NPFFR2: variants seen among roughly 807,000 people sequenced by gnomAD.
NPFFR2 encodes G-protein coupled receptor 74.
In NPFFR2, 15 loss-of-function variants were observed where a neutral mutation model predicts 13.1. The ratio of observed to expected loss-of-function variants is 1.15; its 90% CI spans 0.77 to 1.76. The LOEUF (loss-of-function observed/expected upper bound fraction) is 1.76, where lower values mean the gene tolerates loss of function less well. NPFFR2 is among the 40% of genes most tolerant of loss of function. NPFFR2 has a pLI of 0.00. For synonymous variants in NPFFR2, 190 were observed against 175.7 expected (o/e 1.08, Z -0.65); for missense variants, 572 against 503.5 (o/e 1.14, Z -1.30).
At chr4:72,112,442 T>C (rs1330161582) in intron 1 of NPFFR2, among the ~76,000 whole-genome samples, 1 of 152,014 alleles carries the variant, frequency 6.6e-6, no homozygotes, top group Non-Finnish European at 1.5e-5. Flanking sequence ...GCATAGATCT[T>C]TTTATCATCA....
chr4:72,074,575 T>A (rs6823991), intron 1 of NPFFR2, among the ~76,000 whole-genome samples: 1 of 152,042 alleles, frequency 6.6e-6, no homozygotes, highest in Non-Finnish European at 1.5e-5. Context: ...TCCATGATTT[T>A]AGGCATCCAC....
chr4:72,087,600 A>C (rs1255655540), intron 1 of NPFFR2, among the ~76,000 whole-genome samples: 1 of 151,926 alleles, frequency 6.6e-6, no homozygotes, highest in African/African-American at 2.4e-5. Flanking sequence ...CCTGTATAGG[A>C]TGGGGAAGGA....
At chr4:72,052,961 C>G (rs2109766996) in intron 1 of NPFFR2, among the ~76,000 whole-genome samples, 1 of 151,952 alleles carries the variant, frequency 6.6e-6, no homozygotes, top group East Asian at 1.9e-4. Flanking sequence ...TAGAACACCC[C>G]TACCCCTTGC....
intron 1 of NPFFR2, among the ~76,000 whole-genome samples, chr4:72,056,892 A>T (rs1052822199): frequency 1.3e-5 from 2 of 151,950 alleles, no homozygotes; most frequent in South Asian, 2.1e-4. Flanking sequence ...AAACTTAAAC[A>T]GATGAGGAGT....
chr4:72,079,053 A>ACACAC (rs1720524161), intron 1 of NPFFR2, among the ~76,000 whole-genome samples: 1 of 139,104 alleles, frequency 7.2e-6, no homozygotes, highest in Non-Finnish European at 1.6e-5. Context: ...CATAGAACTA[A>ACACAC]ACACACACAC....
chr4:72,072,733 G>A (rs995815798), intron 1 of NPFFR2, among the ~76,000 whole-genome samples: 1 of 152,058 alleles, frequency 6.6e-6, no homozygotes. Context: ...TAGATTCTGA[G>A]TAGAATAAAC....
intron 1 of NPFFR2, among the ~76,000 whole-genome samples, chr4:72,069,324 C>T (rs1720175555): frequency 6.6e-6 from 1 of 151,998 alleles, no homozygotes. Context: ...TATGTAAACA[C>T]AACATAGCAT....
intron 1 of NPFFR2, among the ~76,000 whole-genome samples, chr4:72,072,081 A>C (rs1720274045): frequency 6.6e-6 from 1 of 152,154 alleles, no homozygotes; most frequent in Non-Finnish European, 1.5e-5. Flanking sequence ...ACAACAAAAA[A>C]AGCAGCAAAT....
chr4:72,078,340 T>C (rs1720504321), intron 1 of NPFFR2, among the ~76,000 whole-genome samples: 2 of 151,808 alleles, frequency 1.3e-5, no homozygotes, highest in South Asian at 2.1e-4. Context: ...AGAGAAAGGG[T>C]TGAAGAAAGA....
At chr4:72,126,653 G>T (rs1722050820) in intron 1 of NPFFR2, among the ~76,000 whole-genome samples, 1 of 152,102 alleles carries the variant, frequency 6.6e-6, no homozygotes, top group African/African-American at 2.4e-5. Flanking sequence ...TTTCTATCTG[G>T]GAGTCTGGAA....
At chr4:72,096,233 T>A (rs1032296633) in intron 1 of NPFFR2, among the ~76,000 whole-genome samples, 3 of 152,134 alleles carry the variant, frequency 2.0e-5, no homozygotes, top group Non-Finnish European at 4.4e-5. Context: ...TTGGTAATTT[T>A]AAAAAAGATG....
At position 72,103,484 on chromosome 4, in the gene NPFFR2, A is replaced by C. The variant is rs146683908; in HGVS notation, c.-7-25101A>C. On this transcript the variant is annotated intron_variant, in intron 1 of 3. Transcript: ENST00000308744. ...CAGCCTCCAGAACTCTGAGGGAATA[A>C]ATTTCTTTTTTTTTATATTTTACTC... Among the ~76,000 whole-genome samples the C allele has an allele frequency of 5.0e-3, 752 of 151,824 alleles. 2 individuals are homozygous for C. The highest frequency in any genetic ancestry group is 0.017 in the African/African-American group (693 of 41,266).
At chr4:72,121,549 T>A (rs1721882473) in intron 1 of NPFFR2, among the ~76,000 whole-genome samples, 1 of 152,042 alleles carries the variant, frequency 6.6e-6, no homozygotes, top group South Asian at 2.1e-4. Flanking sequence ...TAACAGCCAA[T>A]CTCTCTGCAG....
At chr4:72,060,659 A>G (rs1346385492) in intron 1 of NPFFR2, among the ~76,000 whole-genome samples, 5 of 152,272 alleles carry the variant, frequency 3.3e-5, no homozygotes, top group Admixed American at 1.3e-4. Context: ...GGAAAACAAC[A>G]TATGTAAGTA....
intron 1 of NPFFR2, among the ~76,000 whole-genome samples, chr4:72,122,230 C>A (rs1242154356): frequency 1.3e-5 from 2 of 152,162 alleles, no homozygotes; most frequent in Admixed American, 1.3e-4. Flanking sequence ...TGCACCCATA[C>A]AGGAGCACCC....
rs574669600 is a variant in NPFFR2 at position 72,075,625 on chromosome 4, G to A, written c.-8+43425G>A. Reference sequence around the variant, plus strand: ...GGAACATTCTACCCAATAACAATAGGATACACATTCTTCTCAGGTACATGT... The same window carrying A: ...GGAACATTCTACCCAATAACAATAGAATACACATTCTTCTCAGGTACATGT... On this transcript the variant is annotated intron_variant, in intron 1 of 3. Transcript: ENST00000308744. Among the ~76,000 whole-genome samples the A allele has an allele frequency of 1.4e-4, 22 of 151,868 alleles. 1 individual carries two copies. Among genetic ancestry groups the A allele is most frequent in the Admixed American group, 8.6e-4 (13 of 15,200 alleles).
At position 72,084,542 on chromosome 4, in the gene NPFFR2, A is replaced by G. The variant is rs567253974; in HGVS notation, c.-7-44043A>G. 1.7e-4 allele frequency among the ~76,000 whole-genome samples: 26 copies of G among 152,332 alleles called. No homozygotes were observed. In the South Asian group the frequency reaches 4.8e-3, roughly 28 times the overall value. On this transcript the variant is annotated intron_variant, in intron 1 of 3. Coordinates refer to ENST00000308744, the MANE Select transcript of NPFFR2 (RefSeq NM_004885.3). ...GCAATAAACTAACTTTGGTTTATCAATGATAAACAGTGCCTCAGATTAATC... is the reference window on the plus strand; with the variant it reads ...GCAATAAACTAACTTTGGTTTATCAGTGATAAACAGTGCCTCAGATTAATC...
rs547656063 is a variant in NPFFR2 at position 72,058,895 on chromosome 4, A to C, written c.-8+26695A>C. Among the ~76,000 whole-genome samples the C allele has an allele frequency of 3.9e-5, 6 of 152,184 alleles. No homozygotes were observed. The East Asian group carries it at 9.7e-4, about 25-fold the overall frequency. ...ATCTCCTGCTCTGGGCCTTACTCAA[A>C]CTTCATAGCTCTAGCAAATACACCA... On this transcript the variant is annotated intron_variant, in intron 1 of 3. Transcript: ENST00000308744.
chr4:72,074,962 A>C (rs1720382366), intron 1 of NPFFR2, among the ~76,000 whole-genome samples: 1 of 26,130 alleles, frequency 3.8e-5, no homozygotes, highest in African/African-American at 6.6e-5. Flanking sequence ...AATATGGCAA[A>C]GAGACAATAT....
Sources: allele counts gnomAD v4.1 joint callset (sites outside exome capture counted in the v4.1 genomes callset), GRCh38; gene constraint gnomAD v4.1.1; transcripts MANE v1.5; gene names NCBI Gene and HGNC (gene_info 2026-07-23, HGNC 2026-07-21).